Variants in CFAP43 observed in about 807,000 individuals in gnomAD.
CFAP43 encodes the protein cilia- and flagella-associated protein 43.
CFAP43 carries 155 observed loss-of-function variants against 218.9 expected under a neutral mutation model. The ratio of observed to expected loss-of-function variants is 0.71; its 90% CI spans 0.62 to 0.81. CFAP43 has a LOEUF of 0.81. CFAP43 is among the 30% of genes least tolerant of loss of function. The pLI, the probability that CFAP43 is intolerant of heterozygous loss-of-function variation, is 0.00. For synonymous variants in CFAP43, 645 were observed against 681.3 expected (o/e 0.95, Z 0.83); for missense variants, 1,778 against 1,954.3 (o/e 0.91, Z 1.70).
At position 104,162,377 on chromosome 10, in the gene CFAP43, C is replaced by A; in HGVS notation, c.3273G>T (p.Pro1091=). The change falls in exon 25 of 38, where the codon CCG becomes CCT. Residue 1091 remains proline, a synonymous_variant. Transcript: ENST00000357060. Reference sequence around the variant, plus strand: ...CGATCAATTCTTTGGCTTTGTGCCACGGCTTAATGTGTTTGTGGGCTGTAA... The same window carrying A: ...CGATCAATTCTTTGGCTTTGTGCCAAGGCTTAATGTGTTTGTGGGCTGTAA... ...EEITAHKHIK[P]WHKAKELIVN... is the part of the protein sequence containing the mutation. The A allele has an allele frequency of 6.2e-7, 1 of 1,614,140 alleles. No individual in the cohort carries two copies. The highest frequency in any genetic ancestry group is 1.1e-5 in the South Asian group (1 of 91,078).
chr10:104,151,902 A>G (rs184753160), intron 28 of CFAP43, among the ~76,000 whole-genome samples: 59 of 152,308 alleles, frequency 3.9e-4, no homozygotes, highest in Admixed American at 9.8e-4. Flanking sequence ...TCATTATTCT[A>G]TTCTTAAACT....
At chr10:104,160,603 T>G (rs1178517692) in intron 27 of CFAP43, among the ~76,000 whole-genome samples, 1 of 152,260 alleles carries the variant, frequency 6.6e-6, no homozygotes, top group Non-Finnish European at 1.5e-5. Flanking sequence ...TTGTAAATAA[T>G]GTACTGCATT....
intron 9 of CFAP43, 97 bp downstream of exon 9, chr10:104,197,825 A>C: frequency 1.2e-6 from 1 of 843,992 alleles, no homozygotes; most frequent in South Asian, 1.7e-5. Flanking sequence ...TTGCCCATGA[A>C]CTTTCAAAGT....
chr10:104,190,896 G>C (rs1299749979), intron 12 of CFAP43, among the ~76,000 whole-genome samples: 1 of 152,176 alleles, frequency 6.6e-6, no homozygotes, highest in Non-Finnish European at 1.5e-5. Flanking sequence ...CAAGTACTTA[G>C]CCTCGCTTCG....
intron 10 of CFAP43, 96 bp from the exon 11 acceptor site, chr10:104,194,110 T>C (rs1673788897): frequency 6.9e-7 from 1 of 1,443,086 alleles, no homozygotes; most frequent in Non-Finnish European, 9.4e-7. Flanking sequence ...GCCTGCAGGA[T>C]GAGAAAAGTG....
At chr10:104,179,179 G>A (rs2089735692) in intron 18 of CFAP43, 73 bp from the exon 19 acceptor site, 5 of 1,167,392 alleles carry the variant, frequency 4.3e-6, no homozygotes, top group Non-Finnish European at 4.8e-6. Context: ...GAGAGAGAGA[G>A]AGCAATTCTC....
chr10:104,213,638 T>C (rs555335895), intron 4 of CFAP43, among the ~76,000 whole-genome samples: 4 of 152,184 alleles, frequency 2.6e-5, no homozygotes, highest in Admixed American at 2.6e-4. Flanking sequence ...TGGGTTCAAG[T>C]GATTCTCCTG....
intron 28 of CFAP43, 118 bp from the exon 29 acceptor site, chr10:104,148,116 G>A: frequency 4.3e-6 from 2 of 461,600 alleles, no homozygotes; most frequent in Non-Finnish European, 3.7e-6. Context: ...TAAAATGTAA[G>A]AGAAACATTT....
chr10:104,187,076 C>T (rs1427811187), intron 14 of CFAP43, among the ~76,000 whole-genome samples: 1 of 152,150 alleles, frequency 6.6e-6, no homozygotes, highest in Non-Finnish European at 1.5e-5. Flanking sequence ...AATATTGTGT[C>T]ATCTGCATGT....
chr10:104,176,717 G>A (rs1025806686), intron 19 of CFAP43, among the ~76,000 whole-genome samples: 3 of 152,170 alleles, frequency 2.0e-5, no homozygotes, highest in African/African-American at 7.2e-5. Context: ...GAAGCCCTGA[G>A]TTGAAGATAG....
intron 5 of CFAP43, among the ~76,000 whole-genome samples, chr10:104,209,504 AT>A (rs1231954845): frequency 6.6e-6 from 1 of 152,260 alleles, no homozygotes; most frequent in Non-Finnish European, 1.5e-5. Context: ...GATGTCTATT[AT>A]GAGCATTTTA....
chr10:104,136,960 A>C (rs1250294600), intron 34 of CFAP43, among the ~76,000 whole-genome samples: 1 of 152,196 alleles, frequency 6.6e-6, no homozygotes, highest in Non-Finnish European at 1.5e-5. Context: ...AACAACAAAA[A>C]AGAGAAACAA....
chr10:104,161,674 AG>A (rs1299898417), intron 26 of CFAP43, among the ~76,000 whole-genome samples: 1 of 152,140 alleles, frequency 6.6e-6, no homozygotes, highest in African/African-American at 2.4e-5. Flanking sequence ...TCTGTCTCTC[AG>A]GCTGGAGTGC....
At chr10:104,134,620 T>C (rs551828103) in intron 34 of CFAP43, among the ~76,000 whole-genome samples, 53 of 152,112 alleles carry the variant, frequency 3.5e-4, no homozygotes, top group Admixed American at 2.8e-3. Context: ...ACCAACAAAT[T>C]AGGTAACTTA....
chr10:104,184,885 G>A, intron 16 of CFAP43, 131 bp downstream of exon 16: 1 of 1,393,056 alleles, frequency 7.2e-7, no homozygotes, highest in Non-Finnish European at 9.5e-7. Context: ...TGGGATCTGT[G>A]AGTATAACAA....
Position 104,152,673 on chromosome 10 carries a change from C to T in CFAP43, c.3594G>A (p.Gln1198=), listed in dbSNP as rs2088327743. The change falls in exon 28 of 38, where the codon CAG becomes CAA. Residue 1198 remains glutamine (Q), a synonymous_variant. Coordinates refer to ENST00000357060, the MANE Select transcript of CFAP43 (RefSeq NM_025145.7). Reference sequence around the variant, plus strand: ...GTCTTTTCAAATGTTCATCAAAGGCCTGTGTGCTTTCTTGAATAGAGTTTT... The same window carrying T: ...GTCTTTTCAAATGTTCATCAAAGGCTTGTGTGCTTTCTTGAATAGAGTTTT... ...KLQNSIQEST[Q]AFDEHLKRLF... is the part of the protein sequence containing the mutation. 1 of 1,613,628 alleles carries T rather than the reference C, an allele frequency of 6.2e-7. No homozygotes were observed. Among genetic ancestry groups the T allele is most frequent in the Non-Finnish European group, 8.5e-7 (1 of 1,179,846 alleles).
chr10:104,163,954 T>A (rs2089013698), intron 24 of CFAP43, 140 bp downstream of exon 24: 2 of 758,168 alleles, frequency 2.6e-6, no homozygotes, highest in East Asian at 5.3e-5. Context: ...TTGCTGAGGC[T>A]ACATCATGTC....
chr10:104,227,562 T>C (rs929102777), intron 2 of CFAP43, among the ~76,000 whole-genome samples: 12 of 152,214 alleles, frequency 7.9e-5, no homozygotes, highest in Non-Finnish European at 1.8e-4. Context: ...ATTTGGAGTT[T>C]AGTGATTTGT....
Position 104,182,529 on chromosome 10 carries a change from A to C in CFAP43, c.2142-16T>G, listed in dbSNP as rs766860355. Reference sequence around the variant, plus strand: ...TCCAAATCGCCTATATTAATAAAAAAGAAAACACAGAGGCTATAAAAATCA... The same window carrying C: ...TCCAAATCGCCTATATTAATAAAAACGAAAACACAGAGGCTATAAAAATCA... On this transcript the variant is annotated splice_polypyrimidine_tract_variant and intron_variant, in intron 16 of 37. Transcript: ENST00000357060. 6 of 1,562,878 alleles carry C rather than the reference A, an allele frequency of 3.8e-6. No homozygotes were observed. The highest frequency in any genetic ancestry group is 5.2e-6 in the Non-Finnish European group (6 of 1,163,928).
Sources: allele counts gnomAD v4.1 joint callset (sites outside exome capture counted in the v4.1 genomes callset), GRCh38; gene constraint gnomAD v4.1.1; transcripts MANE v1.5; gene names NCBI Gene and HGNC (gene_info 2026-07-23, HGNC 2026-07-21).